STING1: variants seen among roughly 807,000 people sequenced by gnomAD.
STING1 encodes the protein stimulator of interferon genes protein.
In STING1, 19 loss-of-function variants were observed where a neutral mutation model predicts 31.6. The ratio of observed to expected loss-of-function variants is 0.60; its 90% CI spans 0.42 to 0.88. The LOEUF (loss-of-function observed/expected upper bound fraction) is 0.88. Among genes scored for constraint, STING1 ranks in the 40% least tolerant of loss-of-function variants. The pLI, the probability that STING1 is intolerant of heterozygous loss-of-function variation, is 0.00. For missense variants in STING1, 371 were observed against 483.7 expected (o/e 0.77, Z 2.19); for synonymous variants, 200 against 208.6 (o/e 0.96, Z 0.35).
Position 139,481,243 on chromosome 5 carries a change from G to A in STING1, c.327C>T (p.Leu109=), listed in dbSNP as rs775800464. The A allele has an allele frequency of 3.1e-6, 5 of 1,614,176 alleles. No homozygotes were observed. Among genetic ancestry groups the A allele is most frequent in the Non-Finnish European group, 4.2e-6 (5 of 1,180,020 alleles). Reference sequence around the variant, plus strand: ...TGAAGGGCGGGCCGACCGCATTTGGGAGGGAGTAGTAGAAATAGATGGACA... The same window carrying A: ...TGAAGGGCGGGCCGACCGCATTTGGAAGGGAGTAGTAGAAATAGATGGACA... The part of the protein sequence containing the change: ...LLLSIYFYYS[L]PNAVGPPFTW... Residue 109 remains leucine, a synonymous_variant, in exon 4 of 8, where the codon CTC becomes CTT. Transcript: ENST00000330794. This position sits in a 1 kb window ranked among gnomAD's most constrained non-coding sequence, Gnocchi z 4.1.
Position 139,477,389 on chromosome 5 carries a change from C to G in STING1, c.886G>C (p.Glu296Gln). ...TCAGGGGCATCTGCCAGGATGTCCT[C>G]AAGTGTCCGGCAGAAGAGTTTGGCC... is the stretch of plus-strand genomic sequence containing the variant. ...EQAKLFCRTLEDILADAPESQ... is the reference protein window; with the variant it reads ...EQAKLFCRTLQDILADAPESQ... Residue 296 changes from glutamate to glutamine, a missense_variant, in exon 7 of 8, where the codon GAG (glutamate) becomes CAG (glutamine). By Grantham distance (29) the Glu-to-Gln change is conservative. Transcript: ENST00000330794. The G allele has an allele frequency of 6.2e-7, 1 of 1,614,196 alleles. No homozygotes were observed. The highest frequency in any genetic ancestry group is 8.5e-7 in the Non-Finnish European group (1 of 1,180,026).
At position 139,478,495 on chromosome 5, in the gene STING1, C is replaced by T. The variant is rs771596952; in HGVS notation, c.534G>A (p.Arg178=). Residue 178 remains arginine, a synonymous_variant, in exon 6 of 8, where the codon CGG becomes CGA. Transcript: ENST00000330794. The part of the protein sequence containing the change: ...LRLILPELQA[R]IRTYNQHYNN... ...TGTAATGCTGATTGTAAGTTCGAAT[C>T]CGGGCCTGGAGCTCTGAGGCAGGGA... 1 of 1,614,036 alleles carries T rather than the reference C, an allele frequency of 6.2e-7. No homozygotes were observed. Among genetic ancestry groups the T allele is most frequent in the Non-Finnish European group, 8.5e-7 (1 of 1,179,962 alleles).
At position 139,481,347 on chromosome 5, in the gene STING1, G is replaced by A. The variant is rs1425370273; in HGVS notation, c.228-5C>T. The A allele has an allele frequency of 9.5e-6, 15 of 1,586,854 alleles. No individual in the cohort carries two copies. Among genetic ancestry groups the A allele is most frequent in the Non-Finnish European group, 1.2e-5 (14 of 1,165,518 alleles). On this transcript the variant is annotated splice_polypyrimidine_tract_variant and splice_region_variant and intron_variant, in intron 3 of 7. Coordinates refer to ENST00000330794, the MANE Select transcript of STING1 (RefSeq NM_198282.4). This position sits in a 1 kb window ranked among gnomAD's most constrained non-coding sequence, Gnocchi z 4.1. ...CTCCAGTAGCTGCCCCGGTACCTGT[G>A]AGTGACAGCCAGACCCCAGACCCCA... is the stretch of plus-strand genomic sequence containing the variant.
In STING1 at chr5:139,476,093, G is replaced by T; in HGVS notation, c.*168C>A. 3.4e-6 allele frequency: 2 copies of T among 581,896 alleles called. No individual in the cohort carries two copies. Among genetic ancestry groups the T allele is most frequent in the South Asian group, 2.4e-5 (1 of 41,292 alleles). 36.0% of individuals were successfully genotyped at this position (581,896 alleles called of 1,614,324 possible). A position where few individuals can be genotyped will look rare whatever the true frequency, so the allele number is the denominator to read the frequency against. Reference sequence around the variant, plus strand: ...ACACCGAGGCTCAGAGAGGGGAAATGACTGGCCCAAGGGGACAAGACGCAT... The same window carrying T: ...ACACCGAGGCTCAGAGAGGGGAAATTACTGGCCCAAGGGGACAAGACGCAT... On this transcript the variant is annotated 3_prime_UTR_variant, in exon 8 of 8. Transcript: ENST00000330794.
intron 5 of STING1, among the ~76,000 whole-genome samples, chr5:139,479,371 T>G (rs2152093832): frequency 6.6e-6 from 1 of 151,640 alleles, no homozygotes; most frequent in East Asian, 2.0e-4. Flanking sequence ...CTAAGCTATG[T>G]GATATCGGAT....
rs1423748602 is a variant in STING1 at position 139,476,376 on chromosome 5, G to T, written c.1025C>A (p.Thr342Asn). The T allele has an allele frequency of 9.9e-6, 16 of 1,612,782 alleles. No homozygotes were observed. Among genetic ancestry groups the T allele is most frequent in the Non-Finnish European group, 1.4e-5 (16 of 1,180,026 alleles). The change falls in exon 8 of 8, where the codon ACT (threonine) becomes AAT (asparagine). Residue 342 changes from threonine (T) to asparagine (N), a missense_variant. By Grantham distance (65) the Thr-to-Asn change is moderately conservative. Transcript: ENST00000330794. ...HLRQEEKEEV[T>N]VGSLKTSAVP... is the part of the protein sequence containing the mutation. ...CGCTGAGGTCTTCAAGCTGCCCACAGTAACCTCTTCCTTTTCCTCCTGCCG... is the reference window on the plus strand; with the variant it reads ...CGCTGAGGTCTTCAAGCTGCCCACATTAACCTCTTCCTTTTCCTCCTGCCG...
At position 139,478,315 on chromosome 5, in the gene STING1, C is replaced by T; in HGVS notation, c.714G>A (p.Arg238=). Residue 238 remains arginine (R), a synonymous_variant, in exon 6 of 8, where the codon CGG becomes CGA. Coordinates refer to ENST00000330794, the MANE Select transcript of STING1 (RefSeq NM_198282.4). ...GCTCATAGATGCTGTTGCTGTAAACCCGATCCTTGATGCCAGCATGGTCAC... is the reference window on the plus strand; with the variant it reads ...GCTCATAGATGCTGTTGCTGTAAACTCGATCCTTGATGCCAGCATGGTCAC... ...QTGDHAGIKD[R]VYSNSIYELL... 6.2e-7 allele frequency: 1 copy of T among 1,614,140 alleles called. No individual in the cohort carries two copies. Among genetic ancestry groups the T allele is most frequent in the Middle Eastern group, 1.7e-4 (1 of 6,058 alleles).
chr5:139,478,667 C>G, intron 5 of STING1, 159 bp from the exon 6 acceptor site: 1 of 664,804 alleles, frequency 1.5e-6, no homozygotes, highest in Admixed American at 2.4e-5. Context: ...GGCAGCGCCT[C>G]CAAAAGCCCT....
Position 139,477,323 on chromosome 5 carries a change from C to T in STING1, c.946+6G>A, listed in dbSNP as rs768799195. On this transcript the variant is annotated splice_donor_region_variant and intron_variant, in intron 7 of 7. Coordinates refer to ENST00000330794, the MANE Select transcript of STING1 (RefSeq NM_198282.4). The stretch of plus-strand genomic sequence containing the variant: ...CTATCAACCCCTCACCCTACCAACC[C>T]CTCACCCTGGTAGGCAATGAGGCGG... 3.1e-6 allele frequency: 5 copies of T among 1,613,208 alleles called. No homozygotes were observed. In the African/African-American group the frequency reaches 6.7e-5, roughly 22 times the overall value.
intron 5 of STING1, among the ~76,000 whole-genome samples, chr5:139,480,346 T>C (rs1751801972): frequency 6.6e-6 from 1 of 152,028 alleles, no homozygotes; most frequent in African/African-American, 2.4e-5. Flanking sequence ...CAGGAGTTTG[T>C]ACCGGCCTGG....
In STING1 at chr5:139,481,561, C is replaced by T. The variant is rs7447927; in HGVS notation, c.144G>A (p.Val48=). The change falls in exon 3 of 8, where the codon GTG becomes GTA. Residue 48 remains valine, a synonymous_variant. Transcript: ENST00000330794. The surrounding 1 kb of genome is among the most constrained non-coding windows in gnomAD (Gnocchi z 4.1). Reference sequence around the variant, plus strand: ...CCAGCTGCAGGGAGGCTAGGTGGAGCACCAGGTACCGGAGAGTGTGCTCTG... The same window carrying T: ...CCAGCTGCAGGGAGGCTAGGTGGAGTACCAGGTACCGGAGAGTGTGCTCTG... ...EPPEHTLRYL[V]LHLASLQLGL... 1 of 1,613,602 alleles carries T rather than the reference C, an allele frequency of 6.2e-7. No homozygotes were observed. The highest frequency in any genetic ancestry group is 1.7e-5 in the Admixed American group (1 of 59,978).
Position 139,481,483 on chromosome 5 carries a change from G to A in STING1, c.222C>T (p.His74=). Reference sequence around the variant, plus strand: ...TGGGTACTGCAGTGAGTCACCTGGAGTGGATGTGGCGCAGCTCCTCAGCCA... The same window carrying A: ...TGGGTACTGCAGTGAGTCACCTGGAATGGATGTGGCGCAGCTCCTCAGCCA... ...CSLAEELRHI[H]SRYRGSYWRT... is the part of the protein sequence containing the mutation. The change falls in exon 3 of 8, where the codon CAC becomes CAT. Residue 74 remains histidine, a synonymous_variant. Coordinates refer to ENST00000330794, the MANE Select transcript of STING1 (RefSeq NM_198282.4). The surrounding 1 kb of genome is among the most constrained non-coding windows in gnomAD (Gnocchi z 4.1). 1 of 1,613,740 alleles carries A rather than the reference G, an allele frequency of 6.2e-7. No individual in the cohort carries two copies. The highest frequency in any genetic ancestry group is 8.5e-7 in the Non-Finnish European group (1 of 1,179,866).
At position 139,482,574 on chromosome 5, in the gene STING1, G is replaced by A. The variant is rs1751892896; in HGVS notation, c.-118C>T. On this transcript the variant is annotated 5_prime_UTR_variant, in exon 1 of 8. Coordinates refer to ENST00000330794, the MANE Select transcript of STING1 (RefSeq NM_198282.4). The stretch of plus-strand genomic sequence containing the variant: ...CCGCAGTCACAGCTCTGAACAGCGG[G>A]TTCCCCTCAAGCCACCACGATCAAA... The A allele has an allele frequency of 6.6e-6, 1 of 152,238 alleles. No individual in the cohort carries two copies. The highest frequency in any genetic ancestry group is 1.5e-5 in the Non-Finnish European group (1 of 68,146). The allele number at this position is 152,238 out of a possible 1,614,324, so 9.4% of individuals were successfully genotyped here. A position where few individuals can be genotyped will look rare whatever the true frequency, so the allele number is the denominator to read the frequency against.
chr5:139,481,808 GC>G lies in STING1; in HGVS notation c.1-105del. The G allele has an allele frequency of 1.1e-6, 1 of 942,092 alleles. No individual in the cohort carries two copies. Among genetic ancestry groups the G allele is most frequent in the Non-Finnish European group, 1.6e-6 (1 of 623,916 alleles). The allele number at this position is 942,092 out of a possible 1,614,324, so 58.4% of individuals were successfully genotyped here. ...TCCTCCCAGTTCCCCTTTCCCTGGT[GC>G]CCAGCCACTCCCAGAGGCTGCTCTT... On this transcript the variant is annotated intron_variant, in intron 2 of 7. Coordinates refer to ENST00000330794, the MANE Select transcript of STING1 (RefSeq NM_198282.4). The surrounding 1 kb of genome is among the most constrained non-coding windows in gnomAD (Gnocchi z 4.1).
chr5:139,476,509 A>G (rs1751666081), intron 7 of STING1, 55 bp from the exon 8 acceptor site: 1 of 1,534,378 alleles, frequency 6.5e-7, no homozygotes, highest in Non-Finnish European at 8.9e-7. Flanking sequence ...TTCCCACTCA[A>G]ACATACCTAG....
At position 139,477,429 on chromosome 5, in the gene STING1, C is replaced by G. The variant is rs1751695966; in HGVS notation, c.846G>C (p.Glu282Asp). Reference protein sequence around the residue: ...SQYSQAGFSREDRLEQAKLFC... With the variant: ...SQYSQAGFSRDDRLEQAKLFC... Reference sequence around the variant, plus strand: ...AGAGTTTGGCCTGCTCAAGCCTATCCTCCCGGCTAAAGCCAGCTTGACTGT... The same window carrying G: ...AGAGTTTGGCCTGCTCAAGCCTATCGTCCCGGCTAAAGCCAGCTTGACTGT... Residue 282 changes from glutamate (E) to aspartate (D), a missense_variant, in exon 7 of 8, where the codon GAG becomes GAC. Physicochemically the swap from Glu to Asp is conservative, Grantham distance 45. Coordinates refer to ENST00000330794, the MANE Select transcript of STING1 (RefSeq NM_198282.4). The G allele has an allele frequency of 6.2e-7, 1 of 1,614,236 alleles. No homozygotes were observed. Among genetic ancestry groups the G allele is most frequent in the South Asian group, 1.1e-5 (1 of 91,086 alleles).
chr5:139,479,281 C>A lies in STING1; in HGVS notation c.521-773G>T, dbSNP rs1338031038. ...ACAACAACAACAACAACAACAACAA[C>A]AAACACAGGCTCCACGGTGCAGTGG... On this transcript the variant is annotated intron_variant, in intron 5 of 7. Coordinates refer to ENST00000330794, the MANE Select transcript of STING1 (RefSeq NM_198282.4). The A allele has an allele frequency of 4.0e-5, 6 of 148,302 alleles. No homozygotes were observed. In the South Asian group the frequency reaches 6.4e-4, roughly 16 times the overall value. 9.2% of individuals were successfully genotyped at this position (148,302 alleles called of 1,614,324 possible).
intron 7 of STING1, among the ~76,000 whole-genome samples, chr5:139,477,108 G>C (rs1241885022): frequency 1.3e-5 from 2 of 152,086 alleles, no homozygotes; most frequent in Non-Finnish European, 2.9e-5. Flanking sequence ...GATGAAGTGA[G>C]AGGCCCCTAG....
At chr5:139,480,352 C>G (rs1234192798) in intron 5 of STING1, among the ~76,000 whole-genome samples, 1 of 152,078 alleles carries the variant, frequency 6.6e-6, no homozygotes, top group Non-Finnish European at 1.5e-5. Context: ...TTTGTACCGG[C>G]CTGGCCAATA....
Sources: allele counts gnomAD v4.1 joint callset (sites outside exome capture counted in the v4.1 genomes callset), GRCh38; gene constraint gnomAD v4.1.1; non-coding constraint Gnocchi (gnomAD v3.1); transcripts MANE v1.5; gene names NCBI Gene and HGNC (gene_info 2026-07-23, HGNC 2026-07-21).